Variants in FAM13C observed in about 807,000 individuals in gnomAD.
FAM13C encodes protein FAM13C.
In FAM13C, 37 loss-of-function variants were observed where a neutral mutation model predicts 73.2. The ratio of observed to expected loss-of-function variants is 0.51; its 90% CI spans 0.39 to 0.67. The LOEUF (loss-of-function observed/expected upper bound fraction) is 0.67, where lower values mean the gene tolerates loss of function less well. Ranked by LOEUF, FAM13C falls within the 30% of genes least tolerant of loss-of-function variation. The pLI is 0.00. For missense variants in FAM13C, 589 were observed against 715.6 expected (o/e 0.82, Z 2.02); for synonymous variants, 246 against 260.9 (o/e 0.94, Z 0.55).
At chr10:59,328,829 C>A (rs1464073351) in intron 3 of FAM13C, among the ~76,000 whole-genome samples, 1 of 152,200 alleles carries the variant, frequency 6.6e-6, no homozygotes, top group Admixed American at 6.5e-5. Flanking sequence ...CTAATTAAGA[C>A]ATGATTAATA....
At chr10:59,274,268 A>G (rs1359650940) in intron 6 of FAM13C, among the ~76,000 whole-genome samples, 2 of 152,194 alleles carry the variant, frequency 1.3e-5, no homozygotes, top group African/African-American at 4.8e-5. Flanking sequence ...TGAGTTCCTG[A>G]GGCACTAAAG....
intron 4 of FAM13C, among the ~76,000 whole-genome samples, chr10:59,320,970 G>C (rs934819222): frequency 1.3e-5 from 2 of 152,178 alleles, no homozygotes; most frequent in African/African-American, 4.8e-5. Flanking sequence ...AAGACATTAG[G>C]ACAGGGTTTC....
At chr10:59,321,142 G>A (rs1302993943) in intron 4 of FAM13C, among the ~76,000 whole-genome samples, 1 of 152,106 alleles carries the variant, frequency 6.6e-6, no homozygotes, top group Non-Finnish European at 1.5e-5. Context: ...TACCTTATGT[G>A]ACAAAAAGGA....
chr10:59,253,789 T>C (rs1440330010), intron 11 of FAM13C: 3 of 152,320 alleles, frequency 2.0e-5, no homozygotes, highest in Admixed American at 6.5e-5. Context: ...TTGATATTGA[T>C]GGAGTAGGAT....
At chr10:59,249,699 T>A (rs1841182432) in intron 13 of FAM13C, among the ~76,000 whole-genome samples, 1 of 151,822 alleles carries the variant, frequency 6.6e-6, no homozygotes, top group Non-Finnish European at 1.5e-5. Flanking sequence ...TAAACAAAAT[T>A]AAGGTCCATA....
intron 3 of FAM13C, among the ~76,000 whole-genome samples, chr10:59,331,650 G>A (rs112350755): frequency 3.9e-4 from 60 of 152,288 alleles, no homozygotes; most frequent in Non-Finnish European, 6.5e-4. Context: ...AGGTGAAGAG[G>A]AGGAATCAAA....
intron 3 of FAM13C, among the ~76,000 whole-genome samples, chr10:59,348,954 A>G (rs1212659227): frequency 1.3e-5 from 2 of 152,154 alleles, no homozygotes; most frequent in African/African-American, 2.4e-5. Context: ...AGAGTATTAT[A>G]TCTTGAGGTT....
intron 3 of FAM13C, among the ~76,000 whole-genome samples, chr10:59,337,509 A>C (rs1852871435): frequency 6.6e-6 from 1 of 152,196 alleles, no homozygotes. Flanking sequence ...TAGCTTACAA[A>C]AGCACAAATG....
At chr10:59,307,523 T>C (rs1019620622) in intron 4 of FAM13C, among the ~76,000 whole-genome samples, 1 of 152,156 alleles carries the variant, frequency 6.6e-6, no homozygotes, top group African/African-American at 2.4e-5. Context: ...TTTCACCTAA[T>C]AGGAGAAAGG....
At chr10:59,315,510 T>C in intron 4 of FAM13C, among the ~76,000 whole-genome samples, 1 of 152,160 alleles carries the variant, frequency 6.6e-6, no homozygotes, top group East Asian at 1.9e-4. Flanking sequence ...GTAGAAAATC[T>C]GGGGGCTATT....
intron 1 of FAM13C, chr10:59,360,945 A>AG (rs1564636030): frequency 2.4e-5 from 26 of 1,088,176 alleles, no homozygotes; most frequent in Non-Finnish European, 3.2e-5. Flanking sequence ...CTGACCGAGG[A>AG]TTTGGCCACA....
intron 1 of FAM13C, among the ~76,000 whole-genome samples, chr10:59,359,818 C>A (rs182101432): frequency 1.3e-5 from 2 of 152,374 alleles, no homozygotes; most frequent in East Asian, 3.9e-4. Context: ...CTCCAGTCCC[C>A]TTCCCCAGTT....
intron 9 of FAM13C, among the ~76,000 whole-genome samples, chr10:59,263,290 A>G (rs1050651397): frequency 1.3e-5 from 2 of 152,208 alleles, no homozygotes; most frequent in Admixed American, 6.5e-5. Context: ...GGTTGTTTGA[A>G]TGAGGCATTT....
At chr10:59,248,217 G>T (rs1840913817) in intron 13 of FAM13C, among the ~76,000 whole-genome samples, 1 of 152,114 alleles carries the variant, frequency 6.6e-6, no homozygotes, top group Non-Finnish European at 1.5e-5. Flanking sequence ...TTTAGGGTCT[G>T]TCTTACAAAC....
chr10:59,258,061 T>C (rs766940794), intron 10 of FAM13C, among the ~76,000 whole-genome samples: 2 of 152,214 alleles, frequency 1.3e-5, no homozygotes, highest in Non-Finnish European at 2.9e-5. Context: ...TGAATAATAA[T>C]TTTTTAAAAA....
At chr10:59,252,691 G>T in intron 12 of FAM13C, 108 bp downstream of exon 12, 1 of 1,049,606 alleles carries the variant, frequency 9.5e-7, no homozygotes, top group South Asian at 1.4e-5. Flanking sequence ...GAGAACTGTT[G>T]ACCCACCCCT....
chr10:59,355,840 T>C (rs755792590), intron 2 of FAM13C, 47 bp downstream of exon 2: 2 of 1,561,400 alleles, frequency 1.3e-6, no homozygotes, highest in Admixed American at 1.7e-5. Flanking sequence ...CAGACCTAGA[T>C]GGCTTCTGTC....
chr10:59,270,311 C>A (rs906909395), intron 6 of FAM13C: 3 of 582,820 alleles, frequency 5.1e-6, no homozygotes, highest in Middle Eastern at 4.6e-4. Flanking sequence ...AAGCTGTTAA[C>A]AAAACAAAGG....
intron 3 of FAM13C, among the ~76,000 whole-genome samples, chr10:59,336,870 A>G (rs1377237143): frequency 1.3e-5 from 2 of 152,164 alleles, no homozygotes; most frequent in East Asian, 3.9e-4. Flanking sequence ...GGCCCTTACA[A>G]TCCAGCCTCT....
Sources: allele counts gnomAD v4.1 joint callset (sites outside exome capture counted in the v4.1 genomes callset), GRCh38; gene constraint gnomAD v4.1.1; transcripts MANE v1.5; gene names NCBI Gene and HGNC (gene_info 2026-07-23, HGNC 2026-07-21).